ABCD3: variants seen among roughly 807,000 people sequenced by gnomAD.
ABCD3 encodes ATP binding cassette subfamily D member 3.
In ABCD3, 41 loss-of-function variants were observed where a neutral mutation model predicts 105.5. The observed-to-expected ratio is 0.39, with a 90% CI of 0.30 to 0.50. The LOEUF is 0.50. Ranked by LOEUF, ABCD3 falls within the 20% of genes least tolerant of loss-of-function variation. ABCD3 has a pLI of 0.84. For missense variants in ABCD3, 622 were observed against 806.3 expected, an observed-to-expected ratio of 0.77 and a Z score of 2.77; for synonymous variants, 258 against 269.0, an observed-to-expected ratio of 0.96 and a Z score of 0.40.
At chr1:94,448,458 A>G (rs1383180959) in intron 1 of ABCD3, among the ~76,000 whole-genome samples, 2 of 152,252 alleles carry the variant, frequency 1.3e-5, no homozygotes, top group Non-Finnish European at 2.9e-5. Context: ...GTTTTTACAG[A>G]TGGGTCTAGT....
At chr1:94,385,668 A>G in the ABCD3 span, among the ~76,000 whole-genome samples, 9 of 152,340 alleles carry the variant, frequency 5.9e-5, no homozygotes, top group South Asian at 1.9e-3. Flanking sequence ...TGCGTAGCTA[A>G]TCTTCCAAAG....
chr1:94,489,876 T>G (rs927414219), intron 14 of ABCD3, 27 bp from the exon 15 acceptor site: 1 of 1,612,028 alleles, frequency 6.2e-7, no homozygotes. Context: ...CATAATATGA[T>G]GCTTTAATAC....
At chr1:94,487,827 AAAAAT>A in intron 12 of ABCD3, 36 bp downstream of exon 12, 3 of 1,611,568 alleles carry the variant, frequency 1.9e-6, no homozygotes, top group Non-Finnish European at 1.7e-6. Context: ...ATGTAACAGT[AAAAAT>A]AAAGCCAAAT....
At chr1:94,459,925 T>C (rs1176730230) in intron 2 of ABCD3, among the ~76,000 whole-genome samples, 1 of 152,232 alleles carries the variant, frequency 6.6e-6, no homozygotes, top group Non-Finnish European at 1.5e-5. Context: ...CATCATGTTG[T>C]TGTATCAGTA....
chr1:94,495,057 G>A (rs1227615005), intron 16 of ABCD3, among the ~76,000 whole-genome samples: 1 of 152,038 alleles, frequency 6.6e-6, no homozygotes, highest in African/African-American at 2.4e-5. Context: ...CTCCAGTCTG[G>A]GCTACAGAGT....
At chr1:94,453,806 A>G (rs1647392375) in intron 1 of ABCD3, among the ~76,000 whole-genome samples, 1 of 151,346 alleles carries the variant, frequency 6.6e-6, no homozygotes, top group African/African-American at 2.4e-5. Context: ...TTATTTTCCA[A>G]AGAATCAACT....
intron 1 of ABCD3, among the ~76,000 whole-genome samples, chr1:94,451,523 G>A (rs559094966): frequency 3.9e-5 from 6 of 152,148 alleles, no homozygotes; most frequent in East Asian, 3.9e-4. Flanking sequence ...CAACACTCAC[G>A]TTTCAGATTT....
At chr1:94,458,523 G>T in intron 1 of ABCD3, 84 bp from the exon 2 acceptor site, 1 of 1,158,892 alleles carries the variant, frequency 8.6e-7, no homozygotes, top group South Asian at 1.3e-5. Flanking sequence ...TAAATAATTT[G>T]GTATATTTGA....
chr1:94,504,770 A>C (rs1650269316), intron 20 of ABCD3, among the ~76,000 whole-genome samples: 1 of 152,168 alleles, frequency 6.6e-6, no homozygotes, highest in African/African-American at 2.4e-5. Context: ...CTCTGGTTAC[A>C]TGGAGAGTGG....
At chr1:94,436,986 G>A (rs1189550054) in intron 1 of ABCD3, among the ~76,000 whole-genome samples, 1 of 152,198 alleles carries the variant, frequency 6.6e-6, no homozygotes, top group Non-Finnish European at 1.5e-5. Context: ...TCCAGAGCAA[G>A]ATCCTAACTC....
Position 94,418,432 on chromosome 1 carries a change from C to A in ABCD3, c.-47C>A. 1 of 1,529,108 alleles carries A rather than the reference C, an allele frequency of 6.5e-7. No homozygotes were observed. Among genetic ancestry groups the A allele is most frequent in the Non-Finnish European group, 8.8e-7 (1 of 1,133,082 alleles). 94.7% of individuals were successfully genotyped at this position (1,529,108 alleles called of 1,614,324 possible). A position where few individuals can be genotyped will look rare whatever the true frequency, so the allele number is the denominator to read the frequency against. ...GCGTGCAGTAAGGTAGCCGCCGCCG[C>A]CGCCGCCGCCGCGTCCCCTCGCCGG... On this transcript the variant is annotated 5_prime_UTR_variant, in exon 1 of 23. Transcript: ENST00000370214.
chr1:94,421,401 C>T lies in ABCD3; in HGVS notation c.110+2813C>T, dbSNP rs149902308. Among the ~76,000 whole-genome samples, 556 of 152,258 alleles carry T rather than the reference C, an allele frequency of 3.7e-3. 1 individual carries two copies. Among genetic ancestry groups the T allele is most frequent in the African/African-American group, 0.013 (530 of 41,546 alleles). ...ATCAGCTTGTATTCACTCCTGATTCCAGCACTGCTAAGCTAACTTTTTCAC... is the reference window on the plus strand; with the variant it reads ...ATCAGCTTGTATTCACTCCTGATTCTAGCACTGCTAAGCTAACTTTTTCAC... On this transcript the variant is annotated intron_variant, in intron 1 of 22. Transcript: ENST00000370214.
At chr1:94,510,132 T>C (rs1650589021) in intron 21 of ABCD3, among the ~76,000 whole-genome samples, 1 of 152,194 alleles carries the variant, frequency 6.6e-6, no homozygotes, top group Non-Finnish European at 1.5e-5. Context: ...CATTTAGTGC[T>C]ATAAATTTCC....
At chr1:94,434,773 T>C (rs1659836256) in intron 1 of ABCD3, among the ~76,000 whole-genome samples, 1 of 152,196 alleles carries the variant, frequency 6.6e-6, no homozygotes, top group Non-Finnish European at 1.5e-5. Flanking sequence ...CAAAACACCC[T>C]TTTAACCACT....
chr1:94,398,790 T>A, the ABCD3 span, among the ~76,000 whole-genome samples: 2 of 152,056 alleles, frequency 1.3e-5, no homozygotes, highest in Non-Finnish European at 2.9e-5. Flanking sequence ...GGCGGGCACC[T>A]GTTATTCCAG....
chr1:94,491,547 T>C (rs1232927020), intron 16 of ABCD3, among the ~76,000 whole-genome samples: 1 of 152,116 alleles, frequency 6.6e-6, no homozygotes, highest in Non-Finnish European at 1.5e-5. Context: ...CACACAAATA[T>C]AATTTTAGTC....
intron 15 of ABCD3, among the ~76,000 whole-genome samples, chr1:94,490,403 C>G (rs1488040290): frequency 6.6e-6 from 1 of 151,884 alleles, no homozygotes; most frequent in Admixed American, 6.6e-5. Flanking sequence ...TTTCCTCTCT[C>G]TCTAACCCCC....
intron 1 of ABCD3, among the ~76,000 whole-genome samples, chr1:94,438,282 T>TCA (rs143373197): frequency 1.4e-3 from 167 of 116,564 alleles, no homozygotes; most frequent in Middle Eastern, 3.8e-3. Context: ...CAAGACTCCA[T>TCA]CACACACACA....
intron 22 of ABCD3, among the ~76,000 whole-genome samples, chr1:94,515,666 A>G (rs1299135377): frequency 6.6e-6 from 1 of 152,048 alleles, no homozygotes. Context: ...TAATTTACAA[A>G]GATATTCAAA....
Sources: gnomAD v4.1 joint callset for allele counts (sites outside exome capture counted in the v4.1 genomes callset) on GRCh38, gnomAD v4.1.1 for gene constraint, MANE v1.5 for transcripts, NCBI Gene and HGNC (gene_info 2026-07-23, HGNC 2026-07-21) for gene names.